NCAM2: variants seen among roughly 807,000 people sequenced by gnomAD.
The protein encoded by NCAM2 is neural cell adhesion molecule 2.
In NCAM2, 30 loss-of-function variants were observed where a neutral mutation model predicts 98.1. That is an observed-to-expected ratio of 0.31 (90% CI 0.23 to 0.41). The LOEUF (loss-of-function observed/expected upper bound fraction) is 0.41. NCAM2 is among the 10% of genes least tolerant of loss of function. The pLI is 1.00. For missense variants in NCAM2, 867 were observed against 1,005.8 expected (o/e 0.86, Z 1.87); for synonymous variants, 368 against 342.4 (o/e 1.07, Z -0.83).
chr21:21,228,087 A>G (rs1263661577), intron 1 of NCAM2, among the ~76,000 whole-genome samples: 1 of 151,748 alleles, frequency 6.6e-6, no homozygotes, highest in East Asian at 1.9e-4. Flanking sequence ...TGCATCAATA[A>G]CAAAAGAACA....
chr21:21,260,299 AT>A (rs112955588), intron 1 of NCAM2, among the ~76,000 whole-genome samples: 2,269 of 151,966 alleles, frequency 0.015, 29 homozygotes, highest in Middle Eastern at 0.024. Context: ...TCCAAAAAAA[AT>A]TCCTAATCTT....
chr21:21,397,271 AG>A (rs1161907189), intron 9 of NCAM2, among the ~76,000 whole-genome samples: 1 of 152,042 alleles, frequency 6.6e-6, no homozygotes, highest in African/African-American at 2.4e-5. Flanking sequence ...CCCTAACTCC[AG>A]GCTTCAGGCT....
chr21:21,338,038 T>C (rs1370648507), intron 7 of NCAM2, among the ~76,000 whole-genome samples: 1 of 152,122 alleles, frequency 6.6e-6, no homozygotes, highest in African/African-American at 2.4e-5. Context: ...CATATGCATG[T>C]GCCTTTAAAG....
chr21:21,507,064 G>T (rs1426643489), intron 15 of NCAM2, among the ~76,000 whole-genome samples: 1 of 150,070 alleles, frequency 6.7e-6, no homozygotes, highest in East Asian at 2.0e-4. Context: ...TGAGCTGTTT[G>T]CTTTTAGAAT....
intron 1 of NCAM2, among the ~76,000 whole-genome samples, chr21:21,257,663 A>G (rs532279386): frequency 6.6e-6 from 1 of 151,564 alleles, no homozygotes; most frequent in Non-Finnish European, 1.5e-5. Flanking sequence ...GCTCACTGCA[A>G]CCTCTGCCTC....
chr21:21,159,203 T>G (rs2146765800), intron 1 of NCAM2, among the ~76,000 whole-genome samples: 1 of 152,268 alleles, frequency 6.6e-6, no homozygotes, highest in Non-Finnish European at 1.5e-5. Flanking sequence ...GTATAATATG[T>G]TTGTGTTGTA....
intron 1 of NCAM2, among the ~76,000 whole-genome samples, chr21:21,257,177 A>G (rs1244261635): frequency 2.0e-5 from 3 of 152,228 alleles, no homozygotes; most frequent in Non-Finnish European, 4.4e-5. Flanking sequence ...TGAGATTGCC[A>G]TAAACTGTAA....
At chr21:21,028,174 G>A (rs544271542) in intron 1 of NCAM2, among the ~76,000 whole-genome samples, 1 of 152,084 alleles carries the variant, frequency 6.6e-6, no homozygotes, top group African/African-American at 2.4e-5. Context: ...TGTTTCTTAA[G>A]TTTTAAGAGT....
At chr21:21,520,577 G>A (rs79301184) in intron 16 of NCAM2, among the ~76,000 whole-genome samples, 2,381 of 152,136 alleles carry the variant, frequency 0.016, 60 homozygotes, top group African/African-American at 0.054. Context: ...CAATACTCCC[G>A]GTTTTCAGCC....
chr21:21,523,168 G>T (rs1000079265), intron 16 of NCAM2, among the ~76,000 whole-genome samples: 2 of 151,946 alleles, frequency 1.3e-5, no homozygotes, highest in East Asian at 3.9e-4. Context: ...GGTTTCCCTT[G>T]CTGTTCAGAT....
chr21:21,347,773 T>A (rs1413319042), intron 8 of NCAM2, among the ~76,000 whole-genome samples: 1 of 151,944 alleles, frequency 6.6e-6, no homozygotes, highest in East Asian at 1.9e-4. Flanking sequence ...ATTAGACAAA[T>A]CATTCATCAT....
chr21:21,052,150 A>ATTTTTTTTTTTTTTTTTTT (rs5842877), intron 1 of NCAM2, among the ~76,000 whole-genome samples: 6 of 74,790 alleles, frequency 8.0e-5, no homozygotes, highest in African/African-American at 2.9e-4. Flanking sequence ...CATGATGGCC[A>ATTTTTTTTTTTTTTTTTTT]TTTTTTTTTT....
At chr21:21,216,097 T>G (rs2069888310) in intron 1 of NCAM2, among the ~76,000 whole-genome samples, 1 of 152,136 alleles carries the variant, frequency 6.6e-6, no homozygotes, top group Non-Finnish European at 1.5e-5. Context: ...CCAAGGCAAT[T>G]TTTGACATGT....
intron 4 of NCAM2, among the ~76,000 whole-genome samples, chr21:21,287,025 C>T (rs1273064676): frequency 1.3e-5 from 2 of 151,852 alleles, no homozygotes; most frequent in Non-Finnish European, 2.9e-5. Flanking sequence ...TAGAAAAGTA[C>T]TTTCATTCAA....
chr21:21,361,468 C>G (rs569890452), intron 8 of NCAM2, among the ~76,000 whole-genome samples: 1 of 151,876 alleles, frequency 6.6e-6, no homozygotes, highest in Non-Finnish European at 1.5e-5. Flanking sequence ...TGGTTTTTTT[C>G]TTACTATGCT....
chr21:21,277,493 T>C (rs1451238568), intron 1 of NCAM2, among the ~76,000 whole-genome samples: 2 of 152,150 alleles, frequency 1.3e-5, no homozygotes, highest in Admixed American at 6.5e-5. Flanking sequence ...TAGGAAGCCA[T>C]GAGGGGTTGT....
intron 1 of NCAM2, among the ~76,000 whole-genome samples, chr21:21,007,434 T>G (rs1218807474): frequency 6.6e-6 from 1 of 152,168 alleles, no homozygotes; most frequent in Non-Finnish European, 1.5e-5. Flanking sequence ...AATAAAAGAA[T>G]GGCTACTTCA....
intron 8 of NCAM2, among the ~76,000 whole-genome samples, chr21:21,362,165 A>C (rs186575925): frequency 1.2e-3 from 179 of 152,122 alleles, no homozygotes; most frequent in African/African-American, 4.1e-3. Flanking sequence ...TTATTTGAAC[A>C]GAGTTTGAAC....
rs1329144966 is a variant in NCAM2 at position 21,284,482 on chromosome 21, C to A, written c.337+82C>A. ...CGAAAAAATAAAATGTTTGATAACACTTATTAAGAACTATGTGCTTTGAAA... is the reference window on the plus strand; with the variant it reads ...CGAAAAAATAAAATGTTTGATAACAATTATTAAGAACTATGTGCTTTGAAA... On this transcript the variant is annotated intron_variant, in intron 3 of 17. Transcript: ENST00000400546. 6.9e-6 allele frequency: 7 copies of A among 1,019,888 alleles called. No individual in the cohort carries two copies. In the African/African-American group the frequency reaches 8.1e-5, roughly 12 times the overall value. 63.2% of individuals were successfully genotyped at this position (1,019,888 alleles called of 1,614,324 possible).
Sources: gnomAD v4.1 joint callset for allele counts (sites outside exome capture counted in the v4.1 genomes callset) on GRCh38, gnomAD v4.1.1 for gene constraint, MANE v1.5 for transcripts, NCBI Gene and HGNC (gene_info 2026-07-23, HGNC 2026-07-21) for gene names.